FAM53B: variants seen among roughly 807,000 people sequenced by gnomAD.
FAM53B encodes the protein family with sequence similarity 53 member B, also known as protein FAM53B.
In FAM53B, 12 loss-of-function variants were observed where a neutral mutation model predicts 32.7. The ratio of observed to expected loss-of-function variants is 0.37; its 90% CI spans 0.24 to 0.59. The LOEUF (loss-of-function observed/expected upper bound fraction) is 0.59, where lower values mean the gene tolerates loss of function less well. Among genes scored for constraint, FAM53B ranks in the 20% least tolerant of loss-of-function variants. FAM53B has a pLI of 0.72. For missense variants in FAM53B, 477 were observed against 577.7 expected, an observed-to-expected ratio of 0.83 and a Z score of 1.79; for synonymous variants, 234 against 228.7, an observed-to-expected ratio of 1.02 and a Z score of -0.21.
chr10:124,728,184 A>G (rs1030747057), intron 1 of FAM53B, among the ~76,000 whole-genome samples: 1 of 152,218 alleles, frequency 6.6e-6, no homozygotes, highest in African/African-American at 2.4e-5. Flanking sequence ...GAGGCCTGAA[A>G]ATGCCTAGAC....
chr10:124,630,865 C>T (rs1949386569), intron 4 of FAM53B, among the ~76,000 whole-genome samples: 7 of 152,234 alleles, frequency 4.6e-5, no homozygotes, highest in Admixed American at 4.6e-4. Context: ...CTGTGGTCAC[C>T]CCGTTCCAGA....
intron 4 of FAM53B, among the ~76,000 whole-genome samples, chr10:124,641,121 C>T (rs1478332791): frequency 6.6e-6 from 1 of 152,204 alleles, no homozygotes; most frequent in Non-Finnish European, 1.5e-5. Flanking sequence ...CAGGGGCTGT[C>T]CAGAGTCCCG....
intron 1 of FAM53B, among the ~76,000 whole-genome samples, chr10:124,709,516 A>G (rs913355404): frequency 3.3e-5 from 5 of 152,192 alleles, no homozygotes; most frequent in African/African-American, 1.2e-4. Flanking sequence ...GGGGGGTCTC[A>G]CAGAGAGTGC....
intron 4 of FAM53B, among the ~76,000 whole-genome samples, chr10:124,645,198 G>A (rs1485963385): frequency 1.3e-5 from 2 of 152,232 alleles, no homozygotes; most frequent in East Asian, 3.8e-4. Context: ...CAGGTGCAGA[G>A]TGGGCCCTGC....
chr10:124,736,401 A>AT (rs1950174479), intron 1 of FAM53B, among the ~76,000 whole-genome samples: 1 of 152,248 alleles, frequency 6.6e-6, no homozygotes, highest in Non-Finnish European at 1.5e-5. Context: ...TGGAGACTCA[A>AT]AACCACAGAC....
Position 124,744,341 on chromosome 10 carries a change from AGGCGGCGTGCGGCGGC to A in FAM53B, c.-519_-504del, listed in dbSNP as rs1564894166. ...GGCGCGGCGGCGGCGTGCAGGAGGC[AGGCGGCGTGCGGCGGC>A]GGCGGCAGGCGAGTGTGCAGTGCGC... On this transcript the variant is annotated 5_prime_UTR_variant, in exon 1 of 5. Transcript: ENST00000337318. 6.8e-6 allele frequency: 1 copy of A among 146,932 alleles called. No individual in the cohort carries two copies. The highest frequency in any genetic ancestry group is 2.5e-5 in the African/African-American group (1 of 40,542). The allele number at this position is 146,932 out of a possible 1,614,324, so 9.1% of individuals were successfully genotyped here. A position where few individuals can be genotyped will look rare whatever the true frequency, so the allele number is the denominator to read the frequency against.
chr10:124,742,798 C>T (rs536510576), intron 1 of FAM53B: 62 of 152,428 alleles, frequency 4.1e-4, no homozygotes, highest in African/African-American at 1.5e-3. Context: ...ATGCCCACCC[C>T]AGGATCCCAG....
At chr10:124,653,308 C>T (rs991795934) in intron 4 of FAM53B, among the ~76,000 whole-genome samples, 10 of 152,220 alleles carry the variant, frequency 6.6e-5, no homozygotes, top group Non-Finnish European at 1.5e-4. Flanking sequence ...AGAGCTGTGC[C>T]TGAGGCTGGG....
chr10:124,716,500 C>T (rs1420373116), intron 1 of FAM53B, among the ~76,000 whole-genome samples: 2 of 152,132 alleles, frequency 1.3e-5, no homozygotes, highest in Admixed American at 6.5e-5. Flanking sequence ...TGACATTATT[C>T]AGGGACATAA....
At position 124,744,308 on chromosome 10, in the gene FAM53B, G is replaced by T; in HGVS notation, c.-470C>A. 1 of 147,946 alleles carries T rather than the reference G, an allele frequency of 6.8e-6. No homozygotes were observed. The highest frequency in any genetic ancestry group is 1.8e-4 in the South Asian group (1 of 5,594). 9.2% of individuals were successfully genotyped at this position (147,946 alleles called of 1,614,324 possible). A position where few individuals can be genotyped will look rare whatever the true frequency, so the allele number is the denominator to read the frequency against. On this transcript the variant is annotated 5_prime_UTR_variant, in exon 1 of 5. Transcript: ENST00000337318. ...GCTTAGCGGGCGGTGTCGCGGGCCC[G>T]GGCGCTAGGCGCGGCGGCGGCGTGC...
At chr10:124,656,474 C>T (rs751750543) in intron 4 of FAM53B, among the ~76,000 whole-genome samples, 22 of 152,220 alleles carry the variant, frequency 1.4e-4, no homozygotes, top group Non-Finnish European at 2.6e-4. Flanking sequence ...CAAAACCAAA[C>T]TAATAGTAGG....
At chr10:124,660,824 C>T (rs557528067) in intron 4 of FAM53B, among the ~76,000 whole-genome samples, 1 of 152,284 alleles carries the variant, frequency 6.6e-6, no homozygotes, top group East Asian at 1.9e-4. Flanking sequence ...ATGACCCAGC[C>T]CTGCCACTAC....
chr10:124,666,873 T>C (rs1949676137), intron 4 of FAM53B, among the ~76,000 whole-genome samples: 2 of 152,174 alleles, frequency 1.3e-5, no homozygotes, highest in African/African-American at 4.8e-5. Context: ...TCCTCAGGTC[T>C]CCTGGGGCCT....
At chr10:124,649,244 A>T (rs1163665168) in intron 4 of FAM53B, among the ~76,000 whole-genome samples, 2 of 152,212 alleles carry the variant, frequency 1.3e-5, no homozygotes, top group Non-Finnish European at 2.9e-5. Context: ...ACCAGCCTGG[A>T]TTATTTCGAA....
At chr10:124,648,685 T>G (rs1244657145) in intron 4 of FAM53B, among the ~76,000 whole-genome samples, 1 of 152,268 alleles carries the variant, frequency 6.6e-6, no homozygotes, top group African/African-American at 2.4e-5. Context: ...TTTTTTGCTT[T>G]GCAGATGAGC....
intron 1 of FAM53B, among the ~76,000 whole-genome samples, chr10:124,711,407 C>T (rs543963984): frequency 4.1e-4 from 63 of 152,040 alleles, no homozygotes; most frequent in African/African-American, 1.4e-3. Flanking sequence ...TGACTGTATC[C>T]GTGACAATTT....
intron 4 of FAM53B, among the ~76,000 whole-genome samples, chr10:124,655,010 G>GC (rs1564869063): frequency 6.6e-6 from 1 of 152,194 alleles, no homozygotes; most frequent in Non-Finnish European, 1.5e-5. Flanking sequence ...CCAGGTTACA[G>GC]GAGCCCCAGG....
intron 1 of FAM53B, among the ~76,000 whole-genome samples, chr10:124,714,868 C>G (rs954195125): frequency 6.6e-6 from 1 of 152,106 alleles, no homozygotes; most frequent in Non-Finnish European, 1.5e-5. Flanking sequence ...AAAATATTAG[C>G]CAAAGCAACA....
chr10:124,641,936 T>C lies in FAM53B; in HGVS notation c.907-18332A>G, dbSNP rs148631807. Among the ~76,000 whole-genome samples the C allele has an allele frequency of 1.2e-4, 19 of 152,308 alleles. No individual in the cohort carries two copies. In the East Asian group the frequency reaches 3.7e-3, roughly 29 times the overall value. On this transcript the variant is annotated intron_variant, in intron 4 of 4. Transcript: ENST00000337318. ...CTGTGCCAGTGATACTATTTTATAG[T>C]TGAGGAAACAGAGGCCTAGAGAGGC...
Sources: gnomAD v4.1 joint callset for allele counts (sites outside exome capture counted in the v4.1 genomes callset) on GRCh38, gnomAD v4.1.1 for gene constraint, MANE v1.5 for transcripts, NCBI Gene and HGNC (gene_info 2026-07-23, HGNC 2026-07-21) for gene names.